Variants in PIP4K2A observed in about 807,000 individuals in gnomAD.
PIP4K2A encodes phosphatidylinositol-5-phosphate 4-kinase type 2 alpha.
Under a neutral mutation model 42.9 loss-of-function variants are expected in PIP4K2A, and 14 were observed. That is an observed-to-expected ratio of 0.33 (90% CI 0.22 to 0.51). The LOEUF (loss-of-function observed/expected upper bound fraction) is 0.51. Among genes scored for constraint, PIP4K2A ranks in the 20% least tolerant of loss-of-function variants. The probability of loss-of-function intolerance (pLI) is 0.97; values close to 1 mark genes in which losing one functional copy is unlikely to be tolerated. For synonymous variants in PIP4K2A, 192 were observed against 192.2 expected (o/e 1.00, Z 0.01); for missense variants, 434 against 519.8 (o/e 0.83, Z 1.61).
chr10:22,612,158 G>A (rs952230781), intron 1 of PIP4K2A, among the ~76,000 whole-genome samples: 2 of 152,230 alleles, frequency 1.3e-5, no homozygotes, highest in East Asian at 1.9e-4. Context: ...ACCCATCCTC[G>A]CGTCAGCACA....
At chr10:22,703,535 T>C (rs987461621) in intron 1 of PIP4K2A, among the ~76,000 whole-genome samples, 3 of 152,132 alleles carry the variant, frequency 2.0e-5, no homozygotes, top group Non-Finnish European at 2.9e-5. Flanking sequence ...AGCTGGAACA[T>C]AGGAATCATG....
In PIP4K2A at chr10:22,664,132, T is replaced by TATATATATACATATATATATATAC. The variant is rs1564460055; in HGVS notation, c.144+50050_144+50051insGTATATATATATATGTATATATAT. 7.3e-5 allele frequency among the ~76,000 whole-genome samples: 4 copies of TATATATATACATATATATATATAC among 54,464 alleles called. No individual in the cohort carries two copies. In the East Asian group the frequency reaches 9.9e-4, roughly 13 times the overall value. 35.7% of individuals were successfully genotyped at this position (54,464 alleles called of 152,430 possible). ...ATATATATACATATATATATATACA[T>TATATATATACATATATATATATAC]ATATATATACATATATATACACATA... On this transcript the variant is annotated intron_variant, in intron 1 of 9. Transcript: ENST00000376573.
chr10:22,706,077 A>G (rs1214868556), intron 1 of PIP4K2A, among the ~76,000 whole-genome samples: 1 of 152,094 alleles, frequency 6.6e-6, no homozygotes, highest in Non-Finnish European at 1.5e-5. Flanking sequence ...TCACGAGAAT[A>G]CGATGGGGAA....
chr10:22,576,839 G>A (rs939425623), intron 4 of PIP4K2A, among the ~76,000 whole-genome samples: 1 of 152,110 alleles, frequency 6.6e-6, no homozygotes, highest in Non-Finnish European at 1.5e-5. Context: ...ACCCTGGGAG[G>A]CCAAGGTGGG....
chr10:22,657,514 T>C (rs1411615207), intron 1 of PIP4K2A, among the ~76,000 whole-genome samples: 1 of 152,228 alleles, frequency 6.6e-6, no homozygotes, highest in African/African-American at 2.4e-5. Flanking sequence ...ACCTGAAGGA[T>C]CTTCAAAAGG....
At chr10:22,691,946 G>A (rs750948901) in intron 1 of PIP4K2A, 3 of 152,316 alleles carry the variant, frequency 2.0e-5, no homozygotes, top group African/African-American at 4.8e-5. Context: ...AACCTTTCAG[G>A]CACCAGGGAC....
At chr10:22,608,963 A>C (rs1235657515) in intron 2 of PIP4K2A, among the ~76,000 whole-genome samples, 1 of 152,198 alleles carries the variant, frequency 6.6e-6, no homozygotes, top group African/African-American at 2.4e-5. Flanking sequence ...TTGTGTTCCC[A>C]CACAACCAGA....
intron 1 of PIP4K2A, among the ~76,000 whole-genome samples, chr10:22,630,424 A>C (rs1336690205): frequency 6.6e-6 from 1 of 152,162 alleles, no homozygotes; most frequent in East Asian, 1.9e-4. Flanking sequence ...TCTGCTTTGT[A>C]GCTATTCAGA....
intron 1 of PIP4K2A, among the ~76,000 whole-genome samples, chr10:22,685,056 C>A (rs1373785079): frequency 1.3e-5 from 2 of 152,110 alleles, no homozygotes; most frequent in Non-Finnish European, 2.9e-5. Flanking sequence ...CACAGTAGAT[C>A]TGCCATGTAT....
At chr10:22,678,150 AT>A (rs2130872759) in intron 1 of PIP4K2A, among the ~76,000 whole-genome samples, 1 of 152,132 alleles carries the variant, frequency 6.6e-6, no homozygotes, top group East Asian at 1.9e-4. Flanking sequence ...TAAAAAAAAA[AT>A]CTCTATTTTG....
At chr10:22,689,777 CAT>C (rs1839825972) in intron 1 of PIP4K2A, among the ~76,000 whole-genome samples, 1 of 152,198 alleles carries the variant, frequency 6.6e-6, no homozygotes, top group African/African-American at 2.4e-5. Context: ...AAAGTGGAAA[CAT>C]ATGAGAACAA....
chr10:22,541,826 G>T lies in PIP4K2A; in HGVS notation c.1014C>A (p.Val338=). 6.4e-7 allele frequency: 1 copy of T among 1,564,678 alleles called. No homozygotes were observed. Among genetic ancestry groups the T allele is most frequent in the African/African-American group, 1.4e-5 (1 of 73,422 alleles). The change falls in exon 8 of 10, where the codon GTC becomes GTA. Residue 338 remains valine (V), a synonymous_variant. Coordinates refer to ENST00000376573, the MANE Select transcript of PIP4K2A (RefSeq NM_005028.5). The part of the protein sequence containing the change: ...APGEFDPNID[V]YGIKCHENSP... The stretch of plus-strand genomic sequence containing the variant: ...TACTTTCATGGCACTTAATTCCATA[G>T]ACGTCGATGTTCGGATCGAACTCCC...
chr10:22,635,130 G>C (rs1838635827), intron 1 of PIP4K2A, among the ~76,000 whole-genome samples: 1 of 152,146 alleles, frequency 6.6e-6, no homozygotes, highest in African/African-American at 2.4e-5. Flanking sequence ...TTGGGGGGCA[G>C]TGACACTATT....
At chr10:22,564,736 G>A (rs1836798095) in intron 6 of PIP4K2A, among the ~76,000 whole-genome samples, 1 of 152,206 alleles carries the variant, frequency 6.6e-6, no homozygotes, top group Non-Finnish European at 1.5e-5. Flanking sequence ...ATTCACTGAT[G>A]TACAGTAAAA....
intron 4 of PIP4K2A, among the ~76,000 whole-genome samples, chr10:22,584,193 A>G (rs1214468795): frequency 6.6e-6 from 1 of 152,202 alleles, no homozygotes; most frequent in Admixed American, 6.5e-5. Flanking sequence ...TTACGTACAA[A>G]ACGTGTAAAG....
chr10:22,656,274 C>T (rs1588688974), intron 1 of PIP4K2A, among the ~76,000 whole-genome samples: 2 of 152,292 alleles, frequency 1.3e-5, no homozygotes, highest in South Asian at 4.1e-4. Flanking sequence ...GGGCACCGGC[C>T]CCTCTCGAAT....
At chr10:22,550,212 C>A (rs1439393283) in intron 7 of PIP4K2A, among the ~76,000 whole-genome samples, 1 of 152,194 alleles carries the variant, frequency 6.6e-6, no homozygotes, top group Non-Finnish European at 1.5e-5. Flanking sequence ...GTGACCCAGG[C>A]TATGTTAACC....
intron 1 of PIP4K2A, among the ~76,000 whole-genome samples, chr10:22,707,356 A>G (rs1381831653): frequency 2.0e-5 from 3 of 152,230 alleles, no homozygotes; most frequent in Non-Finnish European, 4.4e-5. Flanking sequence ...AGGTAGCTGA[A>G]AAACTATAAA....
chr10:22,591,355 A>C (rs1837506682), intron 4 of PIP4K2A, among the ~76,000 whole-genome samples: 1 of 152,256 alleles, frequency 6.6e-6, no homozygotes, highest in Non-Finnish European at 1.5e-5. Flanking sequence ...ATGATTTTAA[A>C]ATCAGAGTAG....
Sources: gnomAD v4.1 joint callset for allele counts (sites outside exome capture counted in the v4.1 genomes callset) on GRCh38, gnomAD v4.1.1 for gene constraint, MANE v1.5 for transcripts, NCBI Gene and HGNC (gene_info 2026-07-23, HGNC 2026-07-21) for gene names.